RAB40C: variants seen among roughly 807,000 people sequenced by gnomAD.
RAB40C encodes the protein ras-related protein Rab-40C.
RAB40C carries 8 observed loss-of-function variants against 28.1 expected under a neutral mutation model. That is an observed-to-expected ratio of 0.28 (90% CI 0.17 to 0.51). The LOEUF is 0.51. Among genes scored for constraint, RAB40C ranks in the 20% least tolerant of loss-of-function variants. The pLI is 0.97. For synonymous variants in RAB40C, 201 were observed against 171.7 expected, an observed-to-expected ratio of 1.17 and a Z score of -1.34; for missense variants, 288 against 405.9, an observed-to-expected ratio of 0.71 and a Z score of 2.50.
Position 629,173 on chromosome 16 carries a change from C to T in RAB40C, c.*1551C>T, listed in dbSNP as rs913786109. 4.7e-5 allele frequency: 10 copies of T among 211,632 alleles called. No homozygotes were observed. The highest frequency in any genetic ancestry group is 1.8e-4 in the African/African-American group (8 of 44,198). The allele number at this position is 211,632 out of a possible 1,614,324, so 13.1% of individuals were successfully genotyped here. ...GAGGACCTGGATGGTCCTGCATTCA[C>T]GGCATCAACACTACCCGCGCTGCTG... On this transcript the variant is annotated 3_prime_UTR_variant, in exon 6 of 6. Coordinates refer to ENST00000248139, the MANE Select transcript of RAB40C (RefSeq NM_021168.5).
chr16:595,242 C>G (rs942533339), intron 1 of RAB40C, among the ~76,000 whole-genome samples: 1 of 152,058 alleles, frequency 6.6e-6, no homozygotes, highest in Admixed American at 6.6e-5. Flanking sequence ...GGGCGCTTTC[C>G]GCTGCCCCCG....
At chr16:590,474 G>A (rs1016472927) in intron 1 of RAB40C, 41 bp downstream of exon 1, 8 of 1,493,370 alleles carry the variant, frequency 5.4e-6, no homozygotes, top group Non-Finnish European at 7.1e-6. Flanking sequence ...CGCGGGGCCC[G>A]AGCCCGGCGA....
chr16:625,559 G>A (rs1567195134), intron 4 of RAB40C, 50 bp downstream of exon 4: 1 of 1,572,844 alleles, frequency 6.4e-7, no homozygotes, highest in Non-Finnish European at 8.7e-7. Flanking sequence ...CTGGATGGAG[G>A]TACCTGGGCC....
Position 609,334 on chromosome 16 carries a change from A to T in RAB40C, c.143-7874A>T, listed in dbSNP as rs140114947. On this transcript the variant is annotated intron_variant, in intron 1 of 5. Coordinates refer to ENST00000248139, the MANE Select transcript of RAB40C (RefSeq NM_021168.5). ...TCGTGGACAGCAGACACCACTGGGG[A>T]TGGTGGGGGACAGGGTGGCAGGGGA... Among the ~76,000 whole-genome samples, 635 of 152,106 alleles carry T rather than the reference A, an allele frequency of 4.2e-3. 1 individual carries two copies. The highest frequency in any genetic ancestry group is 7.5e-3 in the Admixed American group (115 of 15,284).
chr16:598,946 C>T (rs1162826689), intron 1 of RAB40C, among the ~76,000 whole-genome samples: 2 of 152,172 alleles, frequency 1.3e-5, no homozygotes, highest in African/African-American at 4.8e-5. Context: ...GTGCTGCTTT[C>T]CCTGCCCGGG....
At chr16:616,713 A>G (rs1400124323) in intron 1 of RAB40C, 1 of 154,266 alleles carries the variant, frequency 6.5e-6, no homozygotes, top group Non-Finnish European at 1.4e-5. Flanking sequence ...GTAAGCCGAG[A>G]CTTGGAAATA....
intron 3 of RAB40C, chr16:625,149 A>C: frequency 7.3e-7 from 1 of 1,368,984 alleles, no homozygotes; most frequent in Admixed American, 2.2e-5. Context: ...CCTGCCCAGG[A>C]AACTTCCACA....
chr16:616,976 T>TCCTGC (rs2036598752), intron 1 of RAB40C: 5 of 557,078 alleles, frequency 9.0e-6, no homozygotes, highest in Admixed American at 3.1e-5. Context: ...TGGACCACGC[T>TCCTGC]CCTGCCCTGC....
At chr16:593,387 G>A (rs1433658368) in intron 1 of RAB40C, among the ~76,000 whole-genome samples, 4 of 152,266 alleles carry the variant, frequency 2.6e-5, no homozygotes, top group African/African-American at 4.8e-5. Flanking sequence ...AAGGACGTAC[G>A]TGTTAACCTC....
chr16:590,590 G>T (rs149025351), intron 1 of RAB40C, among the ~76,000 whole-genome samples, 157 bp downstream of exon 1: 2 of 152,320 alleles, frequency 1.3e-5, no homozygotes, highest in East Asian at 3.9e-4. Context: ...TGGCTGCGGG[G>T]TGCCCGTGCT....
chr16:625,598 G>T (rs1304144071), intron 4 of RAB40C, 89 bp downstream of exon 4: 1 of 1,352,260 alleles, frequency 7.4e-7, no homozygotes. Context: ...CCCGCCTGCC[G>T]CCCCTCCTGT....
chr16:597,937 CAAAAAAAAA>C (rs57539332), intron 1 of RAB40C, among the ~76,000 whole-genome samples: 7 of 28,470 alleles, frequency 2.5e-4, no homozygotes, highest in South Asian at 3.0e-3. Context: ...CCCATCTCTA[CAAAAAAAAA>C]AAAAAAAAAA....
At chr16:625,681 C>A in intron 4 of RAB40C, 172 bp downstream of exon 4, 1 of 843,136 alleles carries the variant, frequency 1.2e-6, no homozygotes, top group Non-Finnish European at 1.9e-6. Context: ...ACACGACAGT[C>A]GGGCGTGGAG....
chr16:602,159 T>A (rs368503544), intron 1 of RAB40C, among the ~76,000 whole-genome samples: 3 of 151,748 alleles, frequency 2.0e-5, no homozygotes, highest in East Asian at 1.9e-4. Flanking sequence ...ATTTAATGAT[T>A]ATTCAATGAA....
intron 1 of RAB40C, among the ~76,000 whole-genome samples, chr16:595,804 T>C (rs1410441092): frequency 6.6e-6 from 1 of 152,128 alleles, no homozygotes; most frequent in Non-Finnish European, 1.5e-5. Flanking sequence ...GGTTTCACTG[T>C]GTTGGCCAGG....
intron 1 of RAB40C, among the ~76,000 whole-genome samples, chr16:601,767 G>A (rs1183242385): frequency 6.8e-6 from 1 of 147,622 alleles, no homozygotes; most frequent in Non-Finnish European, 1.5e-5. Context: ...CTGAGGCCGG[G>A]GGTTCAGACT....
chr16:598,794 G>A (rs1315671070), intron 1 of RAB40C, among the ~76,000 whole-genome samples: 2 of 152,076 alleles, frequency 1.3e-5, no homozygotes, highest in South Asian at 4.1e-4. Flanking sequence ...CTGAGTCCTG[G>A]AAATGGGCAG....
chr16:611,665 A>G (rs12929823), intron 1 of RAB40C, among the ~76,000 whole-genome samples: 47,768 of 85,346 alleles, frequency 0.56, 12,891 homozygotes, highest in South Asian at 0.7. Context: ...TCAAGAGCAG[A>G]GACAGCCGCC....
At chr16:620,299 A>C (rs1347129546) in intron 3 of RAB40C, among the ~76,000 whole-genome samples, 1 of 151,950 alleles carries the variant, frequency 6.6e-6, no homozygotes, top group East Asian at 1.9e-4. Context: ...AGGCTGAGGC[A>C]GGAGAATCGC....
Sources: allele counts gnomAD v4.1 joint callset (sites outside exome capture counted in the v4.1 genomes callset), GRCh38; gene constraint gnomAD v4.1.1; transcripts MANE v1.5; gene names NCBI Gene and HGNC (gene_info 2026-07-23, HGNC 2026-07-21).